Variants in TMF1 observed in about 807,000 individuals in gnomAD.
The protein encoded by TMF1 is TATA element modulatory factor 1.
In TMF1, 71 loss-of-function variants were observed where a neutral mutation model predicts 126.5. That is an observed-to-expected ratio of 0.56 (90% CI 0.46 to 0.68). The LOEUF is 0.68. Among genes scored for constraint, TMF1 ranks in the 30% least tolerant of loss-of-function variants. The pLI is 0.00. For missense variants in TMF1, 1,259 were observed against 1,253.2 expected (o/e 1.00, Z -0.07); for synonymous variants, 461 against 430.5 (o/e 1.07, Z -0.88).
chr3:69,029,988 C>T lies in TMF1; in HGVS notation c.2421G>A (p.Leu807=). The T allele has an allele frequency of 6.2e-7, 1 of 1,613,242 alleles. No homozygotes were observed. Among genetic ancestry groups the T allele is most frequent in the East Asian group, 2.2e-5 (1 of 44,838 alleles). The part of the protein sequence containing the change: ...SDRLGESQTL[L]AAAVERERAA... ...CACGTTCTCTCTCAACTGCTGCTGCCAGCAAGGTCTGGGATTCACCTGATT... is the reference window on the plus strand; with the variant it reads ...CACGTTCTCTCTCAACTGCTGCTGCTAGCAAGGTCTGGGATTCACCTGATT... The change falls in exon 11 of 17, where the codon CTG becomes CTA. Residue 807 remains leucine, a synonymous_variant. Transcript: ENST00000398559.
At chr3:69,047,279 C>T in intron 2 of TMF1, 79 bp downstream of exon 2, 1 of 1,449,470 alleles carries the variant, frequency 6.9e-7, no homozygotes, top group East Asian at 2.3e-5. Context: ...TATTATGCAT[C>T]AATGAAAGTA....
rs753604745 is a variant in TMF1, at chr3:69,027,892, T to C, written c.2757+8A>G. 18 of 1,473,432 alleles carry C rather than the reference T, an allele frequency of 1.2e-5. No individual in the cohort carries two copies. Among genetic ancestry groups the C allele is most frequent in the Non-Finnish European group, 1.7e-5 (18 of 1,061,602 alleles). 91.3% of individuals were successfully genotyped at this position (1,473,432 alleles called of 1,614,324 possible). A position where few individuals can be genotyped will look rare whatever the true frequency, so the allele number is the denominator to read the frequency against. ...ACACCACAAACAAACAAAAACAAAATTCAATACCTTTTCTTTTATTGTTTC... is the reference window on the plus strand; with the variant it reads ...ACACCACAAACAAACAAAAACAAAACTCAATACCTTTTCTTTTATTGTTTC... On this transcript the variant is annotated splice_region_variant and intron_variant, in intron 13 of 16. Coordinates refer to ENST00000398559, the MANE Select transcript of TMF1 (RefSeq NM_007114.3).
chr3:69,044,566 T>C lies in TMF1; in HGVS notation c.1377A>G (p.Glu459=), dbSNP rs1365017613. 5.0e-6 allele frequency: 8 copies of C among 1,609,158 alleles called. No homozygotes were observed. Among genetic ancestry groups the C allele is most frequent in the East Asian group, 2.2e-5 (1 of 44,742 alleles). Residue 459 remains glutamate, a synonymous_variant, in exon 3 of 17, where the codon GAA becomes GAG. Coordinates refer to ENST00000398559, the MANE Select transcript of TMF1 (RefSeq NM_007114.3). ...GAGATAATAACTGAGCCTCCCTTTT[T>C]TCCAGCTTTTCATTCAGAAATTCAA... ...KTVEFLNEKL[E]KREAQLLSLS... is the part of the protein sequence containing the mutation.
chr3:69,042,261 C>T, intron 5 of TMF1: 2 of 441,724 alleles, frequency 4.5e-6, no homozygotes, highest in Admixed American at 2.5e-5. Flanking sequence ...TTGTCTCGAA[C>T]TCCTGACCTT....
Position 69,026,075 on chromosome 3 carries a change from G to A in TMF1, c.2780C>T (p.Ser927Phe). ...TGAGCGTGACATGGTGGGAGTGCTAGAAACAGAAAATGGCTTGCGTTCCTT... is the reference window on the plus strand; with the variant it reads ...TGAGCGTGACATGGTGGGAGTGCTAAAAACAGAAAATGGCTTGCGTTCCTT... Reference protein sequence around the residue: ...KEKERKPFSVSSTPTMSRSSS... With the variant: ...KEKERKPFSVFSTPTMSRSSS... The change falls in exon 14 of 17, where the codon TCT becomes TTT. Residue 927 changes from serine to phenylalanine, a missense_variant. Physicochemically the swap from Ser to Phe is radical, Grantham distance 155. Coordinates refer to ENST00000398559, the MANE Select transcript of TMF1 (RefSeq NM_007114.3). The A allele has an allele frequency of 1.9e-6, 3 of 1,613,982 alleles. 1 individual carries two copies. The South Asian group carries it at 3.3e-5, about 18-fold the overall frequency.
Position 69,025,792 on chromosome 3 carries a change from T to G in TMF1, c.2860-80A>C. 2.0e-6 allele frequency: 3 copies of G among 1,476,250 alleles called. No individual in the cohort carries two copies. In the South Asian group the frequency reaches 3.9e-5, roughly 19 times the overall value. The allele number at this position is 1,476,250 out of a possible 1,614,324, so 91.4% of individuals were successfully genotyped here. A position where few individuals can be genotyped will look rare whatever the true frequency, so the allele number is the denominator to read the frequency against. On this transcript the variant is annotated intron_variant, in intron 14 of 16. Transcript: ENST00000398559. ...ATTACCAGGTTCGAACAAAAATGGTTCTGTCAATTTTTGCTTTAAATGTCT... is the reference window on the plus strand; with the variant it reads ...ATTACCAGGTTCGAACAAAAATGGTGCTGTCAATTTTTGCTTTAAATGTCT...
chr3:69,029,530 C>T (rs145259047), intron 11 of TMF1, among the ~76,000 whole-genome samples: 2,441 of 151,834 alleles, frequency 0.016, 65 homozygotes, highest in African/African-American at 0.056. Context: ...CTGCAACTTC[C>T]GCCTCCCGGG....
chr3:69,044,695 C>A, intron 2 of TMF1, 100 bp from the exon 3 acceptor site: 1 of 681,486 alleles, frequency 1.5e-6, no homozygotes. Context: ...AGCTTTATCT[C>A]ATAAAAACAA....
At position 69,052,034 on chromosome 3, in the gene TMF1, G is replaced by A; in HGVS notation, c.53C>T (p.Ser18Phe). Residue 18 changes from serine to phenylalanine, a missense_variant, in exon 1 of 17, where the codon TCC becomes TTC. Coordinates refer to ENST00000398559, the MANE Select transcript of TMF1 (RefSeq NM_007114.3). ...CCTGTCAATAGACTTCTGGGCCTGGGACAGGGCCTGCTTAGCGAAGCTGGA... is the reference window on the plus strand; with the variant it reads ...CCTGTCAATAGACTTCTGGGCCTGGAACAGGGCCTGCTTAGCGAAGCTGGA... ...QLSSFAKQAL[S>F]QAQKSIDRVL... 1 of 1,613,826 alleles carries A rather than the reference G, an allele frequency of 6.2e-7. No homozygotes were observed.
At chr3:69,037,220 C>T (rs375813869) in intron 8 of TMF1, among the ~76,000 whole-genome samples, 5 of 152,178 alleles carry the variant, frequency 3.3e-5, no homozygotes, top group African/African-American at 7.2e-5. Context: ...ATCAGCCGGG[C>T]GTAGTGGCTC....
At chr3:69,029,788 A>C in intron 11 of TMF1, 27 bp downstream of exon 11, 1 of 1,570,500 alleles carries the variant, frequency 6.4e-7, no homozygotes, top group Non-Finnish European at 8.6e-7. Flanking sequence ...GGAACTACCA[A>C]AAATATCACT....
At chr3:69,031,982 CAGAGAT>C (rs2091805842) in intron 10 of TMF1, among the ~76,000 whole-genome samples, 1 of 152,286 alleles carries the variant, frequency 6.6e-6, no homozygotes, top group Non-Finnish European at 1.5e-5. Flanking sequence ...CAAAAGCTGT[CAGAGAT>C]AAACGACAGA....
Position 69,022,952 on chromosome 3 carries a change from AAAAT to A in TMF1, c.*221_*224del, listed in dbSNP as rs576198429. ...CAAGGAAAAAAAATGAATGCTTTAA[AAAAT>A]AAATCTTTAAAGAATAGTTTCAAAA... On this transcript the variant is annotated 3_prime_UTR_variant, in exon 17 of 17. Transcript: ENST00000398559. 657 of 387,964 alleles carry A rather than the reference AAAAT, an allele frequency of 1.7e-3. 8 individuals carry two copies. The highest frequency in any genetic ancestry group is 0.012 in the African/African-American group (587 of 47,798). The allele number at this position is 387,964 out of a possible 1,614,324, so 24.0% of individuals were successfully genotyped here. A position where few individuals can be genotyped will look rare whatever the true frequency, so the allele number is the denominator to read the frequency against.
In TMF1 at chr3:69,020,277, G is replaced by C. The variant is rs564390836; in HGVS notation, c.*2900C>G. ...GTTATCCACATTTAGAATATCTTAA[G>C]TCACAACATAGATATATTTGGTACA... On this transcript the variant is annotated 3_prime_UTR_variant, in exon 17 of 17. Transcript: ENST00000398559. The C allele has an allele frequency of 5.9e-5, 9 of 152,134 alleles. No individual in the cohort carries two copies. The East Asian group carries it at 1.7e-3, about 29-fold the overall frequency. 9.4% of individuals were successfully genotyped at this position (152,134 alleles called of 1,614,324 possible). A position where few individuals can be genotyped will look rare whatever the true frequency, so the allele number is the denominator to read the frequency against.
intron 10 of TMF1, chr3:69,030,355 A>G (rs185799883): frequency 7.3e-4 from 125 of 170,924 alleles, no homozygotes; most frequent in African/African-American, 2.8e-3. Flanking sequence ...AAAATGGATC[A>G]TAGACTTATA....
In TMF1 at chr3:69,025,737, CAGTT is replaced by C. The variant is rs1187944656; in HGVS notation, c.2860-29_2860-26del. 8 of 1,594,752 alleles carry C rather than the reference CAGTT, an allele frequency of 5.0e-6. No homozygotes were observed. The Admixed American group carries it at 1.2e-4, about 25-fold the overall frequency. On this transcript the variant is annotated intron_variant, in intron 14 of 16. Coordinates refer to ENST00000398559, the MANE Select transcript of TMF1 (RefSeq NM_007114.3). ...CCTATGTTAATTAAGAAAGTTCACACAGTTACTCAGTTATCATAGCTTGTCTTCC... is the reference window on the plus strand; with the variant it reads ...CCTATGTTAATTAAGAAAGTTCACACACTCAGTTATCATAGCTTGTCTTCC...
chr3:69,024,264 TG>T, intron 15 of TMF1, 84 bp from the exon 16 acceptor site: 1 of 1,238,810 alleles, frequency 8.1e-7, no homozygotes, highest in Non-Finnish European at 1.1e-6. Flanking sequence ...TTAATGTGTG[TG>T]TGGTTTTTTT....
At chr3:69,032,909 C>T (rs931807068) in intron 10 of TMF1, among the ~76,000 whole-genome samples, 3 of 152,018 alleles carry the variant, frequency 2.0e-5, no homozygotes, top group Admixed American at 6.6e-5. Flanking sequence ...CCGCGCCCTG[C>T]CAGAATATGG....
chr3:69,024,900 C>A (rs1553678556), intron 15 of TMF1: 1 of 143,082 alleles, frequency 7.0e-6, no homozygotes, highest in Non-Finnish European at 1.5e-5. Flanking sequence ...CTCAATTGAG[C>A]TTTTCCTTTG....
Sources: gnomAD v4.1 joint callset for allele counts (sites outside exome capture counted in the v4.1 genomes callset) on GRCh38, gnomAD v4.1.1 for gene constraint, MANE v1.5 for transcripts, NCBI Gene and HGNC (gene_info 2026-07-23, HGNC 2026-07-21) for gene names.